MLYCD: variants seen among roughly 807,000 people sequenced by gnomAD.
MLYCD encodes malonyl-CoA decarboxylase, mitochondrial.
A neutral mutation model predicts 35.8 loss-of-function variants in MLYCD; 27 were observed. That is an observed-to-expected ratio of 0.75 (90% CI 0.56 to 1.04). The LOEUF (loss-of-function observed/expected upper bound fraction) is 1.04, where lower values mean the gene tolerates loss of function less well. Among genes scored for constraint, MLYCD ranks in the 50% least tolerant of loss-of-function variants. MLYCD has a pLI of 0.00. For missense variants in MLYCD, 917 were observed against 665.1 expected, an observed-to-expected ratio of 1.38 and a Z score of -4.17; for synonymous variants, 403 against 302.4, an observed-to-expected ratio of 1.33 and a Z score of -3.45.
At chr16:83,909,626 T>G (rs897157400) in intron 3 of MLYCD, among the ~76,000 whole-genome samples, 7 of 150,792 alleles carry the variant, frequency 4.6e-5, no homozygotes, top group Non-Finnish European at 8.9e-5. Context: ...TTGTGTTTTT[T>G]TTTTTTTTTT....
intron 1 of MLYCD, among the ~76,000 whole-genome samples, 163 bp from the exon 2 acceptor site, chr16:83,906,824 T>C (rs968491619): frequency 6.6e-6 from 1 of 152,220 alleles, no homozygotes; most frequent in African/African-American, 2.4e-5. Flanking sequence ...TGAGATAAGA[T>C]GTCTGACAGA....
In MLYCD at chr16:83,918,272, GGTGCACAGAACACACACA is replaced by G. The variant is rs771663742; in HGVS notation, c.*2798_*2815del. 5.3e-5 allele frequency: 8 copies of G among 152,222 alleles called. No homozygotes were observed. Among genetic ancestry groups the G allele is most frequent in the East Asian group, 1.9e-4 (1 of 5,200 alleles). The allele number at this position is 152,222 out of a possible 1,614,324, so 9.4% of individuals were successfully genotyped here. On this transcript the variant is annotated 3_prime_UTR_variant, in exon 5 of 5. Transcript: ENST00000262430. The stretch of plus-strand genomic sequence containing the variant: ...CCTCGCCGCAGGAGAACACATACAT[GGTGCACAGAACACACACA>G]GTGCACAGAACACAGTGCACAGGAG...
Position 83,915,013 on chromosome 16 carries a change from A to G in MLYCD, c.1006A>G (p.Lys336Glu). The change falls in exon 5 of 5, where the codon AAA becomes GAA. Residue 336 changes from lysine (K) to glutamate (E), a missense_variant. Physicochemically the swap from Lys to Glu is moderately conservative, Grantham distance 56 (BLOSUM62 1). Transcript: ENST00000262430. ...SSLSPIPGFTKWLLGLLNSQT... is the reference protein window; with the variant it reads ...SSLSPIPGFTEWLLGLLNSQT... ...TCTGTCACCTATACCTGGTTTCACC[A>G]AATGGCTTCTGGGGCTTCTGAACTC... 6.2e-7 allele frequency: 1 copy of G among 1,614,236 alleles called. No homozygotes were observed. The highest frequency in any genetic ancestry group is 1.1e-5 in the South Asian group (1 of 91,082).
At chr16:83,914,159 G>A (rs960779774) in intron 4 of MLYCD, 1 of 152,298 alleles carries the variant, frequency 6.6e-6, no homozygotes, top group African/African-American at 2.4e-5. Context: ...TAGTGAGCAT[G>A]TGTTACATTT....
At position 83,921,830 on chromosome 16, in the gene MLYCD, A is replaced by AAGCAGAC. The variant is rs1907664644; in HGVS notation, c.*6345_*6351dup. The AAGCAGAC allele has an allele frequency of 7.2e-6, 1 of 138,546 alleles. No individual in the cohort carries two copies. Among genetic ancestry groups the AAGCAGAC allele is most frequent in the African/African-American group, 2.5e-5 (1 of 40,152 alleles). The allele number at this position is 138,546 out of a possible 1,614,324, so 8.6% of individuals were successfully genotyped here. A position where few individuals can be genotyped will look rare whatever the true frequency, so the allele number is the denominator to read the frequency against. On this transcript the variant is annotated 3_prime_UTR_variant, in exon 5 of 5. Coordinates refer to ENST00000262430, the MANE Select transcript of MLYCD (RefSeq NM_012213.3). ...TGCAGAGGAGACAAAAGCAGAACAA[A>AAGCAGAC]AGCAGACAGCGGCCAGGTCTGAGGG...
intron 3 of MLYCD, among the ~76,000 whole-genome samples, chr16:83,911,277 C>T (rs1483872912): frequency 1.3e-5 from 2 of 152,246 alleles, no homozygotes; most frequent in African/African-American, 2.4e-5. Context: ...CGCGCCCGGC[C>T]TCCATACAAT....
In MLYCD at chr16:83,917,518, C is replaced by T. The variant is rs1325203324; in HGVS notation, c.*2029C>T. The T allele has an allele frequency of 6.5e-6, 1 of 154,220 alleles. No homozygotes were observed. The highest frequency in any genetic ancestry group is 1.5e-5 in the Non-Finnish European group (1 of 68,184). The allele number at this position is 154,220 out of a possible 1,614,324, so 9.6% of individuals were successfully genotyped here. On this transcript the variant is annotated 3_prime_UTR_variant, in exon 5 of 5. Transcript: ENST00000262430. ...CATCTCCTGTGACCCTCGCCAGGCC[C>T]CTTCTCTGTCTTCTGCGTACGGCGT...
In MLYCD at chr16:83,925,391, G is replaced by T. The variant is rs1341449373; in HGVS notation, c.*9902G>T. ...CCCCGGGCCCCTGGACAGACCACTGGCCTTGTTCTCTTCATTTCCCTGGCC... is the reference window on the plus strand; with the variant it reads ...CCCCGGGCCCCTGGACAGACCACTGTCCTTGTTCTCTTCATTTCCCTGGCC... On this transcript the variant is annotated 3_prime_UTR_variant, in exon 5 of 5. Transcript: ENST00000262430. 6.6e-6 allele frequency: 1 copy of T among 152,408 alleles called. No homozygotes were observed. The highest frequency in any genetic ancestry group is 6.5e-5 in the Admixed American group (1 of 15,284). 9.4% of individuals were successfully genotyped at this position (152,408 alleles called of 1,614,324 possible).
At chr16:83,910,079 G>A (rs968657315) in intron 3 of MLYCD, among the ~76,000 whole-genome samples, 3 of 152,126 alleles carry the variant, frequency 2.0e-5, no homozygotes, top group Non-Finnish European at 4.4e-5. Context: ...GCGTGGGTAC[G>A]CAGTCCTGTG....
chr16:83,904,781 A>G (rs1906916801), intron 1 of MLYCD, among the ~76,000 whole-genome samples: 1 of 152,186 alleles, frequency 6.6e-6, no homozygotes, highest in African/African-American at 2.4e-5. Flanking sequence ...GATGGCTTCC[A>G]GTGCTGAGGG....
rs188078575 is a variant in MLYCD, at chr16:83,908,151, A to G, written c.667A>G (p.Asn223Asp). The change falls in exon 3 of 5, where the codon AAC becomes GAC. Residue 223 changes from asparagine to aspartate, a missense_variant. Transcript: ENST00000262430. ...GGCTGAGGCTGTGCATCCTGTAAAA[A>G]ACTGGATGGACATGAAGCGCCGCGT... ...SEAEAVHPVK[N>D]WMDMKRRVGP... 6.2e-7 allele frequency: 1 copy of G among 1,614,170 alleles called. No individual in the cohort carries two copies. The highest frequency in any genetic ancestry group is 1.7e-5 in the Admixed American group (1 of 60,028).
Position 83,918,303 on chromosome 16 carries a change from C to T in MLYCD, c.*2814C>T, listed in dbSNP as rs886981982. 2 of 151,958 alleles carry T rather than the reference C, an allele frequency of 1.3e-5. No individual in the cohort carries two copies. The highest frequency in any genetic ancestry group is 4.2e-4 in the South Asian group (2 of 4,816). 9.4% of individuals were successfully genotyped at this position (151,958 alleles called of 1,614,324 possible). A position where few individuals can be genotyped will look rare whatever the true frequency, so the allele number is the denominator to read the frequency against. On this transcript the variant is annotated 3_prime_UTR_variant, in exon 5 of 5. Coordinates refer to ENST00000262430, the MANE Select transcript of MLYCD (RefSeq NM_012213.3). ...CAGAACACACACAGTGCACAGAACA[C>T]AGTGCACAGGAGAACACTCACAGTG... is the stretch of plus-strand genomic sequence containing the variant.
In MLYCD at chr16:83,916,652, G is replaced by T. The variant is rs1159630909; in HGVS notation, c.*1163G>T. The T allele has an allele frequency of 7.0e-6, 1 of 143,276 alleles. No homozygotes were observed. The highest frequency in any genetic ancestry group is 2.3e-4 in the South Asian group (1 of 4,412). 8.9% of individuals were successfully genotyped at this position (143,276 alleles called of 1,614,324 possible). ...AGTGCACGTCTGTGTGCGTGTGCAC[G>T]AGCATCTCTGTGTGTGTCAGTGCAC... On this transcript the variant is annotated 3_prime_UTR_variant, in exon 5 of 5. Coordinates refer to ENST00000262430, the MANE Select transcript of MLYCD (RefSeq NM_012213.3).
rs1433831418 is a variant in MLYCD at position 83,925,018 on chromosome 16, A to G, written c.*9529A>G. ...TCCGTGTCTCTGCTGTCTCCTAACT[A>G]CCGATAGCAAGGGCACTAGTGCCCC... On this transcript the variant is annotated 3_prime_UTR_variant, in exon 5 of 5. Coordinates refer to ENST00000262430, the MANE Select transcript of MLYCD (RefSeq NM_012213.3). The G allele has an allele frequency of 6.6e-6, 1 of 151,996 alleles. No individual in the cohort carries two copies. The highest frequency in any genetic ancestry group is 2.4e-5 in the African/African-American group (1 of 41,342). The allele number at this position is 151,996 out of a possible 1,614,324, so 9.4% of individuals were successfully genotyped here. A position where few individuals can be genotyped will look rare whatever the true frequency, so the allele number is the denominator to read the frequency against.
Position 83,915,292 on chromosome 16 carries a change from G to A in MLYCD, c.1285G>A (p.Val429Met), listed in dbSNP as rs750981358. The part of the protein sequence containing the change: ...VANFHLQNGA[V>M]LWRINWMADV... ...CAACTTCCACCTGCAGAACGGGGCG[G>A]TGCTGTGGCGCATCAACTGGATGGC... Residue 429 changes from valine to methionine, a missense_variant, in exon 5 of 5, where the codon GTG becomes ATG. Val to Met is a conservative substitution (Grantham distance 21). Transcript: ENST00000262430. 107 of 1,613,702 alleles carry A rather than the reference G, an allele frequency of 6.6e-5. 3 individuals are homozygous for A. The South Asian group carries it at 1.1e-3, about 17-fold the overall frequency.
In MLYCD at chr16:83,915,279, G is replaced by A; in HGVS notation, c.1272G>A (p.Leu424=). The A allele has an allele frequency of 6.2e-7, 1 of 1,612,358 alleles. No individual in the cohort carries two copies. The highest frequency in any genetic ancestry group is 8.5e-7 in the Non-Finnish European group (1 of 1,178,532). Residue 424 remains leucine (L), a synonymous_variant, in exon 5 of 5, where the codon CTG becomes CTA. Transcript: ENST00000262430. ...YALNPVANFH[L]QNGAVLWRIN... ...TGAACCCCGTGGCCAACTTCCACCT[G>A]CAGAACGGGGCGGTGCTGTGGCGCA...
At chr16:83,903,020 A>C (rs192464361) in intron 1 of MLYCD, among the ~76,000 whole-genome samples, 22 of 152,166 alleles carry the variant, frequency 1.4e-4, no homozygotes, top group Admixed American at 3.9e-4. Flanking sequence ...TTGGTTGATG[A>C]CTTCAGTTTC....
At chr16:83,913,283 C>A (rs1169018727) in intron 4 of MLYCD, 2 of 152,250 alleles carry the variant, frequency 1.3e-5, no homozygotes, top group Admixed American at 1.3e-4. Flanking sequence ...GTAGCTCATT[C>A]CCACAGTTTC....
chr16:83,912,143 G>A (rs558418695), intron 3 of MLYCD, 75 bp from the exon 4 acceptor site: 431 of 1,598,154 alleles, frequency 2.7e-4, no homozygotes, highest in Non-Finnish European at 3.4e-4. Flanking sequence ...TTGTCTTCTC[G>A]TCCCAGCAAC....
Sources: gnomAD v4.1 joint callset for allele counts (sites outside exome capture counted in the v4.1 genomes callset) on GRCh38, gnomAD v4.1.1 for gene constraint, MANE v1.5 for transcripts, NCBI Gene and HGNC (gene_info 2026-07-23, HGNC 2026-07-21) for gene names.